The following C2orf74 variants were observed in gnomAD, a reference collection of about 807,000 sequenced individuals.
C2orf74 encodes uncharacterized protein C2orf74.
C2orf74 carries 14 observed loss-of-function variants against 17.9 expected under a neutral mutation model. That is an observed-to-expected ratio of 0.78 (90% CI 0.52 to 1.22). The LOEUF (loss-of-function observed/expected upper bound fraction) is 1.22, where lower values mean the gene tolerates loss of function less well. C2orf74 is among the 50% of genes most tolerant of loss of function. C2orf74 has a pLI of 0.00. For synonymous variants in C2orf74, 79 were observed against 72.6 expected (o/e 1.09, Z -0.44); for missense variants, 217 against 218.4 (o/e 0.99, Z 0.04).
chr2:61,149,908 A>G (rs1185241654), intron 1 of C2orf74, among the ~76,000 whole-genome samples: 1 of 152,014 alleles, frequency 6.6e-6, no homozygotes, highest in Non-Finnish European at 1.5e-5. Context: ...GGGGAGCCCA[A>G]AAGAGGCATC....
At chr2:61,152,151 T>G (rs1665272) in intron 1 of C2orf74, 91,919 of 152,178 alleles carry the variant, frequency 0.6, 27,781 homozygotes, top group Middle Eastern at 0.7. Context: ...CAACGAGTGG[T>G]TTAGGAAATG....
chr2:61,156,100 G>A (rs981189166), intron 1 of C2orf74, among the ~76,000 whole-genome samples: 4 of 152,124 alleles, frequency 2.6e-5, no homozygotes, highest in African/African-American at 9.7e-5. Flanking sequence ...TCAGGAGGCC[G>A]AGGTGGGAGG....
chr2:61,150,654 G>A (rs906067438), intron 1 of C2orf74, among the ~76,000 whole-genome samples: 6 of 152,182 alleles, frequency 3.9e-5, no homozygotes, highest in Non-Finnish European at 5.9e-5. Flanking sequence ...ACAGGCCCTA[G>A]AAACAGGAGG....
At chr2:61,157,190 G>A (rs927524432), upstream of C2orf74, among the ~76,000 whole-genome samples, 4 of 152,012 alleles carry the variant, frequency 2.6e-5, no homozygotes, top group Non-Finnish European at 5.9e-5. Flanking sequence ...ACAGGCCCAC[G>A]CCACCACGCC....
At chr2:61,146,048 G>C (rs1284476072) in intron 1 of C2orf74, among the ~76,000 whole-genome samples, 2 of 152,200 alleles carry the variant, frequency 1.3e-5, no homozygotes, top group Non-Finnish European at 2.9e-5. Context: ...GGGGAATTTT[G>C]CCTCCAAATA....
chr2:61,146,944 G>A (rs1400278435), intron 1 of C2orf74, among the ~76,000 whole-genome samples: 1 of 152,124 alleles, frequency 6.6e-6, no homozygotes, highest in African/African-American at 2.4e-5. Context: ...GAGCACAGGA[G>A]TTTTGAGACC....
upstream of C2orf74, chr2:61,157,833 G>A (rs758776780): frequency 5.8e-5 from 27 of 468,770 alleles, no homozygotes; most frequent in Middle Eastern, 3.8e-4. Flanking sequence ...CACTCATCCT[G>A]TAATTCCTGG....
At chr2:61,163,311 A>T in intron 4 of C2orf74, 79 bp downstream of exon 4, 21 of 1,432,004 alleles carry the variant, frequency 1.5e-5, no homozygotes, top group Non-Finnish European at 2.0e-5. Context: ...AGCTAGGTAT[A>T]ATAATAGGAG....
At chr2:61,158,870 C>T (rs1177255185), upstream of C2orf74, among the ~76,000 whole-genome samples, 1 of 152,144 alleles carries the variant, frequency 6.6e-6, no homozygotes, top group Admixed American at 6.5e-5. Flanking sequence ...TGTGTTTATT[C>T]AGCAAACTAT....
rs141735226 is a variant in C2orf74 at position 61,164,673 on chromosome 2, G to C, written c.*146G>C. 1.3e-5 allele frequency: 8 copies of C among 619,774 alleles called. No individual in the cohort carries two copies. The African/African-American group carries it at 1.5e-4, about 12-fold the overall frequency. The allele number at this position is 619,774 out of a possible 1,614,324, so 38.4% of individuals were successfully genotyped here. A position where few individuals can be genotyped will look rare whatever the true frequency, so the allele number is the denominator to read the frequency against. ...TTTACCTTTGTGCAGAAAGGAGTGA[G>C]CCATGTGCAAAATTCTGTAAGTAAA... On this transcript the variant is annotated 3_prime_UTR_variant, in exon 5 of 5. Coordinates refer to ENST00000432605, the MANE Select transcript of C2orf74 (RefSeq NM_001143959.4).
intron 1 of C2orf74, among the ~76,000 whole-genome samples, chr2:61,146,095 T>G (rs1222007812): frequency 3.3e-5 from 5 of 152,236 alleles, no homozygotes; most frequent in Non-Finnish European, 7.3e-5. Flanking sequence ...TGTATGAGAT[T>G]ATTGATTGTA....
Position 61,163,199 on chromosome 2 carries a change from G to A in C2orf74, c.357G>A (p.Glu119=), listed in dbSNP as rs1160214843. Residue 119 remains glutamate (E), a synonymous_variant, in exon 4 of 5, where the codon GAG becomes GAA. Transcript: ENST00000432605. ...EEENQINEKQ[E]PENAGETGQE... ...AGAACCAAATAAATGAGAAGCAAGA[G>A]CCTGAGAATGCTGGAGAAACTGGTC... The A allele has an allele frequency of 2.6e-6, 4 of 1,552,210 alleles. No homozygotes were observed. Among genetic ancestry groups the A allele is most frequent in the East Asian group, 2.4e-5 (1 of 41,066 alleles).
At chr2:61,149,909 A>G (rs1685177892) in intron 1 of C2orf74, among the ~76,000 whole-genome samples, 1 of 152,092 alleles carries the variant, frequency 6.6e-6, no homozygotes, top group East Asian at 1.9e-4. Flanking sequence ...GGGAGCCCAA[A>G]AGAGGCATCT....
chr2:61,151,230 C>A (rs927526055), intron 1 of C2orf74, among the ~76,000 whole-genome samples: 4 of 149,156 alleles, frequency 2.7e-5, no homozygotes. Context: ...GCAGGAGAAT[C>A]GCTTGAACCC....
chr2:61,154,177 T>C (rs1685325491), intron 1 of C2orf74, among the ~76,000 whole-genome samples: 1 of 150,894 alleles, frequency 6.6e-6, no homozygotes, highest in Non-Finnish European at 1.5e-5. Context: ...GAGGTTGCAT[T>C]GAGCCAACAT....
At chr2:61,147,556 T>G (rs972524121) in intron 1 of C2orf74, among the ~76,000 whole-genome samples, 1 of 152,204 alleles carries the variant, frequency 6.6e-6, no homozygotes, top group Non-Finnish European at 1.5e-5. Context: ...AAATATTACC[T>G]GATTTTGTTT....
intron 1 of C2orf74, among the ~76,000 whole-genome samples, chr2:61,149,388 C>T (rs1031275210): frequency 1.3e-5 from 2 of 151,840 alleles, no homozygotes; most frequent in African/African-American, 2.4e-5. Context: ...CACAGCTGCC[C>T]GGGGTGTTTA....
intron 1 of C2orf74, among the ~76,000 whole-genome samples, chr2:61,146,138 A>G (rs575706855): frequency 1.0e-4 from 16 of 152,384 alleles, no homozygotes; most frequent in Middle Eastern, 3.4e-3. Flanking sequence ...GTGAGTATCC[A>G]TCAGAAGACT....
At chr2:61,151,412 G>A (rs1291773110) in intron 1 of C2orf74, 1 of 148,206 alleles carries the variant, frequency 6.7e-6, no homozygotes, top group East Asian at 2.0e-4. Flanking sequence ...TGCATAACAA[G>A]TGACTCCAAA....
Sources: allele counts gnomAD v4.1 joint callset (sites outside exome capture counted in the v4.1 genomes callset), GRCh38; gene constraint gnomAD v4.1.1; transcripts MANE v1.5; gene names NCBI Gene and HGNC (gene_info 2026-07-23, HGNC 2026-07-21).